PCDH10: variants seen among roughly 807,000 people sequenced by gnomAD.
The protein encoded by PCDH10 is protocadherin-10.
PCDH10 carries 15 observed loss-of-function variants against 74.4 expected under a neutral mutation model. The observed-to-expected ratio is 0.20, with a 90% CI of 0.13 to 0.31. The LOEUF (loss-of-function observed/expected upper bound fraction) is 0.31, where lower values mean the gene tolerates loss of function less well. Ranked by LOEUF, PCDH10 falls within the 10% of genes least tolerant of loss-of-function variation. PCDH10 has a pLI of 1.00. For missense variants in PCDH10, 1,260 were observed against 1,390.2 expected (o/e 0.91, Z 1.49); for synonymous variants, 619 against 589.8 (o/e 1.05, Z -0.72).
intron 4 of PCDH10, among the ~76,000 whole-genome samples, chr4:133,170,170 G>A (rs973407805): frequency 6.6e-6 from 1 of 151,992 alleles, no homozygotes; most frequent in African/African-American, 2.4e-5. Context: ...AGCTAGAAAT[G>A]TTGCAGATAA....
At chr4:133,165,554 G>C (rs1448111861) in intron 4 of PCDH10, among the ~76,000 whole-genome samples, 1 of 151,568 alleles carries the variant, frequency 6.6e-6, no homozygotes, top group Non-Finnish European at 1.5e-5. Context: ...TAAGTCCCTT[G>C]CATAATTAAA....
chr4:133,179,627 C>G (rs1727367395), intron 4 of PCDH10, among the ~76,000 whole-genome samples: 1 of 152,108 alleles, frequency 6.6e-6, no homozygotes, highest in Non-Finnish European at 1.5e-5. Context: ...GAAGACTTCT[C>G]AGACACTAAG....
chr4:133,165,680 G>A (rs938469118), intron 4 of PCDH10, among the ~76,000 whole-genome samples: 1 of 151,700 alleles, frequency 6.6e-6, no homozygotes, highest in Non-Finnish European at 1.5e-5. Flanking sequence ...ACATTTTGAT[G>A]TTAGGAAAAA....
intron 2 of PCDH10, among the ~76,000 whole-genome samples, chr4:133,207,511 A>G (rs1374216542): frequency 6.6e-6 from 1 of 152,150 alleles, no homozygotes; most frequent in Non-Finnish European, 1.5e-5. Flanking sequence ...CATATGCTGC[A>G]TAACTTCTGT....
intron 4 of PCDH10, among the ~76,000 whole-genome samples, chr4:133,164,617 TG>T (rs1727041147): frequency 6.6e-6 from 1 of 151,838 alleles, no homozygotes; most frequent in Non-Finnish European, 1.5e-5. Context: ...AAAATCAACT[TG>T]CCCTCTTTTG....
At chr4:133,169,674 T>G (rs1019409145) in intron 4 of PCDH10, among the ~76,000 whole-genome samples, 1 of 152,010 alleles carries the variant, frequency 6.6e-6, no homozygotes, top group South Asian at 2.1e-4. Flanking sequence ...ACTTGGGAAT[T>G]TTTTCCTGCC....
At chr4:133,180,836 T>G (rs928548685) in intron 4 of PCDH10, among the ~76,000 whole-genome samples, 1 of 151,874 alleles carries the variant, frequency 6.6e-6, no homozygotes, top group East Asian at 1.9e-4. Context: ...GATCTAAATC[T>G]TGGCATCTAA....
chr4:133,152,159 C>G lies in PCDH10; in HGVS notation c.2019C>G (p.Thr673=). The change falls in exon 1 of 5, where the codon ACC becomes ACG. Residue 673 remains threonine, a synonymous_variant. Coordinates refer to ENST00000264360, the MANE Select transcript of PCDH10 (RefSeq NM_032961.3). The part of the protein sequence containing the change: ...HGQPPLSSTA[T]LVVQLVDGAV... ...AGCCGCCCCTTTCCTCCACCGCCACCCTGGTGGTTCAGCTGGTGGATGGCG... is the reference window on the plus strand; with the variant it reads ...AGCCGCCCCTTTCCTCCACCGCCACGCTGGTGGTTCAGCTGGTGGATGGCG... 6.4e-7 allele frequency: 1 copy of G among 1,568,308 alleles called. No homozygotes were observed. The highest frequency in any genetic ancestry group is 8.6e-7 in the Non-Finnish European group (1 of 1,157,552).
chr4:133,202,147 G>A (rs1209492016), intron 2 of PCDH10, among the ~76,000 whole-genome samples: 1 of 152,110 alleles, frequency 6.6e-6, no homozygotes, highest in Admixed American at 6.5e-5. Flanking sequence ...GGTAAAGAGG[G>A]CTATGCATGA....
Position 133,151,618 on chromosome 4 carries a change from G to A in PCDH10, c.1478G>A (p.Gly493Asp). The change falls in exon 1 of 5, where the codon GGC becomes GAC. Residue 493 changes from glycine to aspartate, a missense_variant. Coordinates refer to ENST00000264360, the MANE Select transcript of PCDH10 (RefSeq NM_032961.3). ...GTGAGCGCCACCGACCGGGATGAGG[G>A]CGCCAACGCCCAGCTTGCCTACTCT... ...YAVSATDRDE[G>D]ANAQLAYSIL... is the part of the protein sequence containing the mutation. 2 of 1,613,844 alleles carry A rather than the reference G, an allele frequency of 1.2e-6. No individual in the cohort carries two copies. The highest frequency in any genetic ancestry group is 4.5e-5 in the East Asian group (2 of 44,854).
intron 2 of PCDH10, among the ~76,000 whole-genome samples, chr4:133,200,067 G>T (rs950067060): frequency 6.6e-6 from 1 of 151,392 alleles, no homozygotes; most frequent in South Asian, 2.1e-4. Flanking sequence ...CAAAGTGCTG[G>T]GATTACAGGC....
chr4:133,171,978 A>G (rs771794624), intron 4 of PCDH10, among the ~76,000 whole-genome samples: 4 of 152,042 alleles, frequency 2.6e-5, no homozygotes, highest in Non-Finnish European at 5.9e-5. Context: ...AACAGAGGAC[A>G]ATATTATACA....
At chr4:133,188,205 A>T (rs543621417) in intron 4 of PCDH10, among the ~76,000 whole-genome samples, 5 of 152,280 alleles carry the variant, frequency 3.3e-5, no homozygotes, top group African/African-American at 1.2e-4. Context: ...TGTAATTAAT[A>T]ATAGTGTTTC....
intron 4 of PCDH10, among the ~76,000 whole-genome samples, chr4:133,174,082 A>G (rs1275001271): frequency 1.3e-5 from 2 of 152,024 alleles, no homozygotes; most frequent in South Asian, 4.1e-4. Flanking sequence ...GAGAATTTTC[A>G]CTTTTGGTAT....
intron 4 of PCDH10, among the ~76,000 whole-genome samples, chr4:133,173,721 TTTC>T (rs1204260451): frequency 7.6e-6 from 1 of 132,160 alleles, no homozygotes; most frequent in Non-Finnish European, 1.6e-5. Flanking sequence ...AAAGATTTAG[TTTC>T]TTAAAGTCTT....
Position 133,152,699 on chromosome 4 carries a change from C to T in PCDH10, c.2559C>T (p.Cys853=). Residue 853 remains cysteine, a synonymous_variant, in exon 1 of 5, where the codon TGC becomes TGT. Transcript: ENST00000264360. ...GTACGGACACTGAGCACAACCCCTG[C>T]GGGGCCATCGTCACCGGTTACACCG... The part of the protein sequence containing the change: ...SRSTDTEHNP[C]GAIVTGYTDQ... 2 of 1,614,228 alleles carry T rather than the reference C, an allele frequency of 1.2e-6. No individual in the cohort carries two copies. The highest frequency in any genetic ancestry group is 1.7e-6 in the Non-Finnish European group (2 of 1,180,042).
Position 133,151,458 on chromosome 4 carries a change from G to C in PCDH10, c.1318G>C (p.Glu440Gln), listed in dbSNP as rs748177621. 1.2e-6 allele frequency: 2 copies of C among 1,613,692 alleles called. No homozygotes were observed. Among genetic ancestry groups the C allele is most frequent in the Admixed American group, 3.3e-5 (2 of 60,016 alleles). The change falls in exon 1 of 5, where the codon GAG (glutamate) becomes CAG (glutamine). Residue 440 changes from glutamate to glutamine, a missense_variant. Coordinates refer to ENST00000264360, the MANE Select transcript of PCDH10 (RefSeq NM_032961.3). Reference sequence around the variant, plus strand: ...GACTGTAGTGGCTCGGGACCGGGGCGAGCCTGCGCTCTCCACCAGTAAGTC... The same window carrying C: ...GACTGTAGTGGCTCGGGACCGGGGCCAGCCTGCGCTCTCCACCAGTAAGTC... ...TLTVVARDRG[E>Q]PALSTSKSIQ...
intron 4 of PCDH10, chr4:133,163,924 G>A: frequency 4.5e-6 from 2 of 446,892 alleles, no homozygotes; most frequent in Non-Finnish European, 8.9e-6. Flanking sequence ...CCTTTATGAA[G>A]TATAACGTGA....
chr4:133,182,261 A>G (rs1727432721), intron 4 of PCDH10, among the ~76,000 whole-genome samples: 1 of 152,054 alleles, frequency 6.6e-6, no homozygotes, highest in South Asian at 2.1e-4. Context: ...TCAACCTCAC[A>G]GGAAAGGTGC....
Sources: allele counts gnomAD v4.1 joint callset (sites outside exome capture counted in the v4.1 genomes callset), GRCh38; gene constraint gnomAD v4.1.1; transcripts MANE v1.5; gene names NCBI Gene and HGNC (gene_info 2026-07-23, HGNC 2026-07-21).